Variants in BMP2K observed in about 807,000 individuals in gnomAD.
BMP2K encodes the protein BMP-2-inducible protein kinase.
BMP2K carries 74 observed loss-of-function variants against 116.0 expected under a neutral mutation model. That is an observed-to-expected ratio of 0.64 (90% CI 0.53 to 0.77). The LOEUF (loss-of-function observed/expected upper bound fraction) is 0.77. Ranked by LOEUF, BMP2K falls within the 30% of genes least tolerant of loss-of-function variation. The pLI is 0.00. For synonymous variants in BMP2K, 486 were observed against 502.5 expected, an observed-to-expected ratio of 0.97 and a Z score of 0.44; for missense variants, 1,365 against 1,403.6, an observed-to-expected ratio of 0.97 and a Z score of 0.44.
chr4:78,832,319 A>G (rs1730245249), intron 2 of BMP2K, among the ~76,000 whole-genome samples: 1 of 152,154 alleles, frequency 6.6e-6, no homozygotes, highest in Admixed American at 6.5e-5. Context: ...CATTCTTGCC[A>G]ACACTTGTTA....
intron 1 of BMP2K, among the ~76,000 whole-genome samples, chr4:78,777,882 A>G (rs544863174): frequency 1.3e-5 from 2 of 152,380 alleles, no homozygotes; most frequent in African/African-American, 4.8e-5. Context: ...TCAAGTGTAC[A>G]TATCATTGTT....
chr4:78,778,818 T>C (rs1461664987), intron 1 of BMP2K, among the ~76,000 whole-genome samples: 1 of 152,232 alleles, frequency 6.6e-6, no homozygotes, highest in Non-Finnish European at 1.5e-5. Flanking sequence ...GATTGGGTCA[T>C]GTACTTGTGA....
At chr4:78,806,195 A>T (rs573558144) in intron 1 of BMP2K, among the ~76,000 whole-genome samples, 2 of 151,728 alleles carry the variant, frequency 1.3e-5, no homozygotes, top group African/African-American at 4.8e-5. Context: ...AATTTTTAGG[A>T]TAATTTTTTT....
intron 1 of BMP2K, among the ~76,000 whole-genome samples, chr4:78,801,029 C>G (rs535133125): frequency 1.3e-5 from 2 of 152,104 alleles, no homozygotes; most frequent in African/African-American, 4.8e-5. Context: ...CCATAATGCT[C>G]AATGAACTTT....
intron 3 of BMP2K, among the ~76,000 whole-genome samples, chr4:78,838,130 A>G (rs1717255211): frequency 6.6e-6 from 1 of 152,198 alleles, no homozygotes; most frequent in Admixed American, 6.5e-5. Context: ...TCTTATGTGG[A>G]TGGCAGCAGA....
chr4:78,792,556 A>G (rs1050107753), intron 1 of BMP2K, among the ~76,000 whole-genome samples: 4 of 152,264 alleles, frequency 2.6e-5, no homozygotes, highest in Non-Finnish European at 5.9e-5. Context: ...TGAACTTTCA[A>G]AGAAAATCAG....
chr4:78,889,262 A>G (rs965539338), intron 15 of BMP2K, among the ~76,000 whole-genome samples: 1 of 150,724 alleles, frequency 6.6e-6, no homozygotes, highest in Non-Finnish European at 1.5e-5. Context: ...TATAAATGCT[A>G]CCTTTTAAAG....
intron 10 of BMP2K, among the ~76,000 whole-genome samples, chr4:78,869,817 G>T (rs1732243323): frequency 6.6e-6 from 1 of 152,060 alleles, no homozygotes; most frequent in Non-Finnish European, 1.5e-5. Flanking sequence ...TATTTTCAAG[G>T]ATAATTAAAA....
intron 4 of BMP2K, among the ~76,000 whole-genome samples, chr4:78,842,828 T>C (rs934728140): frequency 2.6e-5 from 4 of 152,014 alleles, no homozygotes; most frequent in African/African-American, 4.8e-5. Flanking sequence ...CATTGACATA[T>C]GTTAAATGTC....
chr4:78,914,945 T>C lies in BMP2K; in HGVS notation c.*2912T>C, dbSNP rs985239386. 22 of 151,992 alleles carry C rather than the reference T, an allele frequency of 1.4e-4. No homozygotes were observed. Among genetic ancestry groups the C allele is most frequent in the Admixed American group, 1.3e-4 (2 of 15,236 alleles). 9.4% of individuals were successfully genotyped at this position (151,992 alleles called of 1,614,324 possible). A position where few individuals can be genotyped will look rare whatever the true frequency, so the allele number is the denominator to read the frequency against. On this transcript the variant is annotated 3_prime_UTR_variant, in exon 16 of 16. Coordinates refer to ENST00000502613, the MANE Select transcript of BMP2K (RefSeq NM_198892.2). ...ATCCTTTAAAAAGTGGACCATTTGC[T>C]TATTTTAATATCACGTCAGTAAAAT...
chr4:78,833,636 T>C lies in BMP2K; in HGVS notation c.352T>C (p.Ser118Pro). The C allele has an allele frequency of 1.2e-6, 2 of 1,608,484 alleles. No homozygotes were observed. Among genetic ancestry groups the C allele is most frequent in the Non-Finnish European group, 1.7e-6 (2 of 1,178,554 alleles). The change falls in exon 3 of 16, where the codon TCA becomes CCA. Residue 118 changes from serine (S) to proline (P), a missense_variant. By Grantham distance (74) the Ser-to-Pro change is moderately conservative (BLOSUM62 -1). This residue lies in a region of BMP2K where 762 missense variants were observed against 756.7 expected (regional missense o/e 1.01). Coordinates refer to ENST00000502613, the MANE Select transcript of BMP2K (RefSeq NM_198892.2). ...IVGYLDCAVN[S>P]ISDNVWEVLI... ...GGGCTATTTGGACTGTGCTGTTAATTCAATTAGTGATAATGTATGGGAAGT... is the reference window on the plus strand; with the variant it reads ...GGGCTATTTGGACTGTGCTGTTAATCCAATTAGTGATAATGTATGGGAAGT...
At chr4:78,804,856 T>C (rs1386023330) in intron 1 of BMP2K, among the ~76,000 whole-genome samples, 2 of 152,130 alleles carry the variant, frequency 1.3e-5, no homozygotes, top group Non-Finnish European at 2.9e-5. Context: ...TGCAAATATC[T>C]TCTCCCATTA....
chr4:78,845,521 T>A (rs537851625), intron 5 of BMP2K, among the ~76,000 whole-genome samples: 39 of 151,768 alleles, frequency 2.6e-4, no homozygotes, highest in Admixed American at 2.4e-3. Flanking sequence ...TACTTTGTAA[T>A]GTTATACTGG....
At chr4:78,785,903 A>G (rs1261057695) in intron 1 of BMP2K, among the ~76,000 whole-genome samples, 1 of 152,136 alleles carries the variant, frequency 6.6e-6, no homozygotes, top group Non-Finnish European at 1.5e-5. Context: ...ACTTATGCTC[A>G]TGTCACTCTC....
chr4:78,902,198 G>A (rs1453086227), intron 15 of BMP2K, among the ~76,000 whole-genome samples: 1 of 152,124 alleles, frequency 6.6e-6, no homozygotes, highest in East Asian at 1.9e-4. Flanking sequence ...TCACTGACTT[G>A]CTTAAGCTTA....
chr4:78,902,440 A>C (rs920925694), intron 15 of BMP2K, among the ~76,000 whole-genome samples: 5 of 152,092 alleles, frequency 3.3e-5, no homozygotes, highest in Non-Finnish European at 5.9e-5. Context: ...GAAGCAGTAC[A>C]GATTTGATAA....
rs1406114433 is a variant in BMP2K, at chr4:78,911,804, A to C, written c.3257A>C (p.Gln1086Pro). The C allele has an allele frequency of 1.9e-6, 3 of 1,613,938 alleles. No homozygotes were observed. The highest frequency in any genetic ancestry group is 2.5e-6 in the Non-Finnish European group (3 of 1,179,872). The change falls in exon 16 of 16, where the codon CAG (glutamine) becomes CCG (proline). Residue 1086 changes from glutamine (Q) to proline (P), a missense_variant. Coordinates refer to ENST00000502613, the MANE Select transcript of BMP2K (RefSeq NM_198892.2). ...GACCTGTCATGGCACCCTCCACATC[A>C]GGGCCTGAGCGACATCCGTGCTGAT... ...SPDLSWHPPH[Q>P]GLSDIRADHN...
chr4:78,780,367 A>G (rs1006768502), intron 1 of BMP2K, among the ~76,000 whole-genome samples: 10 of 152,164 alleles, frequency 6.6e-5, no homozygotes, highest in African/African-American at 1.9e-4. Flanking sequence ...TTGGATTGTT[A>G]GTAATTGGAG....
Position 78,911,380 on chromosome 4 carries a change from A to ATT in BMP2K, c.2833_2834insTT (p.Ser945IlefsTer19). The stretch of plus-strand genomic sequence containing the variant: ...ATTTCAGCCCTTCCTCACATCAACA[A>ATT]GTAAAAGTGAAAGCAATGAGGACCT... On this transcript the variant is annotated frameshift_variant, in exon 16 of 16. Transcript: ENST00000502613. LOFTEE classifies it high-confidence loss of function. 6.2e-7 allele frequency: 1 copy of ATT among 1,613,976 alleles called. No homozygotes were observed. The highest frequency in any genetic ancestry group is 1.1e-5 in the South Asian group (1 of 91,072).
Sources: allele counts gnomAD v4.1 joint callset (sites outside exome capture counted in the v4.1 genomes callset), GRCh38; gene constraint gnomAD v4.1.1; regional missense constraint gnomAD v4.1.1; transcripts MANE v1.5; gene names NCBI Gene and HGNC (gene_info 2026-07-23, HGNC 2026-07-21).